TMEM255A: variants seen among roughly 807,000 people sequenced by gnomAD.
TMEM255A encodes the protein family with sequence similarity 70, member A.
A neutral mutation model predicts 23.5 loss-of-function variants in TMEM255A; 14 were observed. The observed-to-expected ratio is 0.60, with a 90% CI of 0.39 to 0.93. The LOEUF (loss-of-function observed/expected upper bound fraction) is 0.93, where lower values mean the gene tolerates loss of function less well. TMEM255A is among the 40% of genes least tolerant of loss of function. The probability of loss-of-function intolerance (pLI) is 0.00; values close to 1 mark genes in which losing one functional copy is unlikely to be tolerated. For missense variants in TMEM255A, 233 were observed against 261.7 expected, an observed-to-expected ratio of 0.89 and a Z score of 0.76; for synonymous variants, 104 against 100.3, an observed-to-expected ratio of 1.04 and a Z score of -0.22.
intron 6 of TMEM255A, among the ~76,000 whole-genome samples, chrX:120,277,626 A>G (rs1374277364): frequency 8.9e-6 from 1 of 112,340 alleles, no homozygotes; most frequent in African/African-American, 3.2e-5. Context: ...TTACAGATGA[A>G]GAAAGTGAAG....
Position 120,261,021 on chromosome X carries a change from C to T in TMEM255A, c.827G>A (p.Gly276Asp). The T allele has an allele frequency of 1.7e-6, 2 of 1,189,499 alleles. No individual in the cohort carries two copies. The highest frequency in any genetic ancestry group is 1.1e-6 in the Non-Finnish European group (1 of 888,112). ...AGAGGGAGGGGAGGATGGAAAGACA[C>T]CGGAATGCTGTGTGATAAAAAGAAA... ...PYSAYDFQHS[G>D]VFPSSPPSGL... Residue 276 changes from glycine to aspartate, a missense_variant, in exon 9 of 9, where the codon GGT becomes GAT. Coordinates refer to ENST00000371369, the MANE Select transcript of TMEM255A (RefSeq NM_001104544.3).
rs1367694102 is a variant in TMEM255A at position 120,260,754 on chromosome X, G to C, written c.*116C>G. On this transcript the variant is annotated 3_prime_UTR_variant, in exon 9 of 9. Transcript: ENST00000371369. ...TCCCTATCTTTCCCTAGCCTGGCAG[G>C]CCATTGTAAAACTTTATGCATAAGA... is the stretch of plus-strand genomic sequence containing the variant. 3 of 984,809 alleles carry C rather than the reference G, an allele frequency of 3.0e-6. No homozygotes were observed. Among genetic ancestry groups the C allele is most frequent in the African/African-American group, 4.0e-5 (2 of 50,503 alleles). 81.2% of individuals were successfully genotyped at this position (984,809 alleles called of 1,213,427 possible).
rs905305658 is a variant in TMEM255A, at chrX:120,260,741, C to T, written c.*129G>A. 75 of 938,252 alleles carry T rather than the reference C, an allele frequency of 8.0e-5. No individual in the cohort carries two copies. The highest frequency in any genetic ancestry group is 1.1e-4 in the Non-Finnish European group (73 of 693,140). The allele number at this position is 938,252 out of a possible 1,213,427, so 77.3% of individuals were successfully genotyped here. Reference sequence around the variant, plus strand: ...TGAATAAGCTTCGTCCCTATCTTTCCCTAGCCTGGCAGGCCATTGTAAAAC... The same window carrying T: ...TGAATAAGCTTCGTCCCTATCTTTCTCTAGCCTGGCAGGCCATTGTAAAAC... On this transcript the variant is annotated 3_prime_UTR_variant, in exon 9 of 9. Coordinates refer to ENST00000371369, the MANE Select transcript of TMEM255A (RefSeq NM_001104544.3).
At chrX:120,283,620 T>C (rs1556021257) in intron 6 of TMEM255A, among the ~76,000 whole-genome samples, 1 of 111,615 alleles carries the variant, frequency 9.0e-6, no homozygotes. Flanking sequence ...ATGACGAACA[T>C]TGGTCGACAT....
intron 6 of TMEM255A, among the ~76,000 whole-genome samples, chrX:120,282,846 C>T (rs2057846347): frequency 9.0e-6 from 1 of 111,637 alleles, no homozygotes; most frequent in Admixed American, 9.5e-5. Flanking sequence ...CAGAAACACA[C>T]TGTCACAGAG....
At position 120,304,416 on chromosome X, in the gene TMEM255A, G is replaced by A; in HGVS notation, c.134C>T (p.Thr45Ile). Reference protein sequence around the residue: ...TLLIVSVLILTVGLAATTRTQ... With the variant: ...TLLIVSVLILIVGLAATTRTQ... ...CCTGGTGGTTGCAGCAAGGCCCACT[G>A]TGAGAATTAACACGGACACAATAAG... Residue 45 changes from threonine to isoleucine, a missense_variant, in exon 2 of 9, where the codon ACA (threonine) becomes ATA (isoleucine). Physicochemically the swap from Thr to Ile is moderately conservative, Grantham distance 89. Coordinates refer to ENST00000371369, the MANE Select transcript of TMEM255A (RefSeq NM_001104544.3). 1 of 1,210,402 alleles carries A rather than the reference G, an allele frequency of 8.3e-7. No homozygotes were observed. Among genetic ancestry groups the A allele is most frequent in the Non-Finnish European group, 1.1e-6 (1 of 894,377 alleles).
At position 120,258,855 on chromosome X, in the gene TMEM255A, G is replaced by A. The variant is rs781894223; in HGVS notation, c.*2015C>T. 6.2e-5 allele frequency: 7 copies of A among 112,452 alleles called. No individual in the cohort carries two copies. The highest frequency in any genetic ancestry group is 1.3e-4 in the Non-Finnish European group (7 of 53,221). 9.3% of individuals were successfully genotyped at this position (112,452 alleles called of 1,213,427 possible). The stretch of plus-strand genomic sequence containing the variant: ...ACAAAATGCAGTCAAGATACATATT[G>A]GAAATACAAATCCATTCATTACAGC... On this transcript the variant is annotated 3_prime_UTR_variant, in exon 9 of 9. Coordinates refer to ENST00000371369, the MANE Select transcript of TMEM255A (RefSeq NM_001104544.3).
At chrX:120,267,246 T>G (rs954258618) in intron 8 of TMEM255A, among the ~76,000 whole-genome samples, 2 of 112,279 alleles carry the variant, frequency 1.8e-5, no homozygotes, top group South Asian at 7.4e-4. Flanking sequence ...ATTTTTAAGT[T>G]TCAGTTATTT....
chrX:120,311,384 T>G lies in TMEM255A; in HGVS notation c.-75A>C. 3 of 890,647 alleles carry G rather than the reference T, an allele frequency of 3.4e-6. No homozygotes were observed. The highest frequency in any genetic ancestry group is 4.8e-6 in the Non-Finnish European group (3 of 620,934). The allele number at this position is 890,647 out of a possible 1,213,427, so 73.4% of individuals were successfully genotyped here. A position where few individuals can be genotyped will look rare whatever the true frequency, so the allele number is the denominator to read the frequency against. On this transcript the variant is annotated 5_prime_UTR_variant, in exon 1 of 9. The change abolishes an upstream ATG in the 5' untranslated region. Coordinates refer to ENST00000371369, the MANE Select transcript of TMEM255A (RefSeq NM_001104544.3). Reference sequence around the variant, plus strand: ...CCGGCTCTGGGCGCCCCGCAGAGCATCCTACTCCGCGGTTGCCTCTCTCGG... The same window carrying G: ...CCGGCTCTGGGCGCCCCGCAGAGCAGCCTACTCCGCGGTTGCCTCTCTCGG...
At chrX:120,298,877 TAGAGAGAGAGAGAG>T (rs60873568) in intron 2 of TMEM255A, among the ~76,000 whole-genome samples, 2 of 97,871 alleles carry the variant, frequency 2.0e-5, no homozygotes, top group African/African-American at 7.5e-5. Context: ...ACAGAGCACC[TAGAGAGAGAGAGAG>T]AGAGAGAGAG....
At chrX:120,256,324 A>G (rs1393992385), downstream of TMEM255A, 2 of 123,118 alleles carry the variant, frequency 1.6e-5, no homozygotes, top group Non-Finnish European at 1.9e-5. Flanking sequence ...CACCAAATGT[A>G]TCTTTATGTA....
chrX:120,279,978 TCTTTTCTTTC>T (rs1556020505), intron 6 of TMEM255A, among the ~76,000 whole-genome samples: 1 of 103,917 alleles, frequency 9.6e-6, no homozygotes, highest in Non-Finnish European at 2.0e-5. Flanking sequence ...TTTCCTTCCT[TCTTTTCTTTC>T]CTTTTCTTTC....
chrX:120,284,835 G>A (rs781815657), intron 6 of TMEM255A, among the ~76,000 whole-genome samples: 2 of 111,420 alleles, frequency 1.8e-5, no homozygotes, highest in Non-Finnish European at 3.8e-5. Context: ...TTCAAGTTCT[G>A]TGTAACCTTG....
chrX:120,304,622 G>T (rs782100849), intron 1 of TMEM255A, 131 bp from the exon 2 acceptor site: 3 of 610,584 alleles, frequency 4.9e-6, no homozygotes, highest in South Asian at 3.1e-5. Flanking sequence ...GTGGTGACGG[G>T]TGGGGGGTTG....
chrX:120,285,052 C>A (rs2057863663), intron 6 of TMEM255A, 75 bp downstream of exon 6: 4 of 893,642 alleles, frequency 4.5e-6, no homozygotes, highest in Non-Finnish European at 4.9e-6. Flanking sequence ...CACAATGCAC[C>A]CTTCCTTAAC....
intron 1 of TMEM255A, among the ~76,000 whole-genome samples, chrX:120,310,801 T>C (rs2058095774): frequency 1.0e-5 from 1 of 97,867 alleles, no homozygotes; most frequent in South Asian, 5.5e-4. Context: ...CAGGGCAGCT[T>C]CAAGAGAGTT....
At chrX:120,266,096 G>A (rs1172180637) in intron 8 of TMEM255A, among the ~76,000 whole-genome samples, 2 of 107,294 alleles carry the variant, frequency 1.9e-5, no homozygotes, top group African/African-American at 6.8e-5. Flanking sequence ...GGAGGTTGCA[G>A]TGAGCCAAGA....
downstream of TMEM255A, chrX:120,255,182 C>G: frequency 8.3e-7 from 1 of 1,211,421 alleles, no homozygotes; most frequent in Non-Finnish European, 1.1e-6. Flanking sequence ...TACATCCATG[C>G]AGGTCTTTAC....
intron 1 of TMEM255A, 126 bp from the exon 2 acceptor site, chrX:120,304,617 G>T: frequency 4.2e-6 from 3 of 713,828 alleles, no homozygotes; most frequent in Non-Finnish European, 6.2e-6. Flanking sequence ...CTTTGGTGGT[G>T]ACGGGTGGGG....
Sources: allele counts gnomAD v4.1 joint callset (sites outside exome capture counted in the v4.1 genomes callset), GRCh38; gene constraint gnomAD v4.1.1; transcripts MANE v1.5; gene names NCBI Gene and HGNC (gene_info 2026-07-23, HGNC 2026-07-21).